Variants in ADGRD1 observed in about 807,000 individuals in gnomAD.
ADGRD1 encodes adhesion G protein-coupled receptor D1.
A neutral mutation model predicts 113.4 loss-of-function variants in ADGRD1; 77 were observed. The observed-to-expected ratio is 0.68, with a 90% confidence interval of 0.57 to 0.82. The LOEUF (loss-of-function observed/expected upper bound fraction) is 0.82, where lower values mean the gene tolerates loss of function less well. Among genes scored for constraint, ADGRD1 ranks in the 40% least tolerant of loss-of-function variants. The pLI is 0.00. For missense variants in ADGRD1, 1,036 were observed against 1,139.1 expected (o/e 0.91, Z 1.30); for synonymous variants, 474 against 475.0 (o/e 1.00, Z 0.03).
At chr12:131,063,390 C>G (rs1359414321) in intron 13 of ADGRD1, among the ~76,000 whole-genome samples, 2 of 152,028 alleles carry the variant, frequency 1.3e-5, no homozygotes, top group Non-Finnish European at 2.9e-5. Flanking sequence ...ACTCTTGGTC[C>G]CAAAGATTTT....
chr12:131,066,922 T>C (rs926020493), intron 13 of ADGRD1, among the ~76,000 whole-genome samples: 37 of 152,138 alleles, frequency 2.4e-4, no homozygotes, highest in Non-Finnish European at 3.7e-4. Context: ...GCCTCGGCTT[T>C]CCCCTGAGTA....
In ADGRD1 at chr12:131,123,689, G is replaced by A. The variant is rs560172047; in HGVS notation, c.2175+2776G>A. Among the ~76,000 whole-genome samples, 28 of 152,194 alleles carry A rather than the reference G, an allele frequency of 1.8e-4. No homozygotes were observed. The East Asian group carries it at 2.7e-3, about 15-fold the overall frequency. ...ACAAAAAAATTAGCTGGGCGTGGTG[G>A]CGGGTGCCTGTAGTCCCAGCTACTC... On this transcript the variant is annotated intron_variant, in intron 20 of 24. Coordinates refer to ENST00000261654, the MANE Select transcript of ADGRD1 (RefSeq NM_198827.5).
Position 131,075,484 on chromosome 12 carries a change from T to G in ADGRD1, c.1474-1317T>G, listed in dbSNP as rs1178868247. 6.6e-6 allele frequency among the ~76,000 whole-genome samples: 1 copy of G among 152,174 alleles called. No homozygotes were observed. Among genetic ancestry groups the G allele is most frequent in the Non-Finnish European group, 1.5e-5 (1 of 68,040 alleles). On this transcript the variant is annotated intron_variant, in intron 13 of 24. Transcript: ENST00000261654. This position sits in a 1 kb window ranked among gnomAD's most constrained non-coding sequence, Gnocchi z 5.3. ...CAGGCGGTTTTAAGAGACCCTGTGA[T>G]GGATTAAAATAACCCTAAGATACGG... is the stretch of plus-strand genomic sequence containing the variant.
intron 15 of ADGRD1, among the ~76,000 whole-genome samples, chr12:131,091,702 C>A (rs1467349): frequency 0.8 from 121,739 of 152,192 alleles, 50,196 homozygotes; most frequent in East Asian, 0.92. Context: ...GTTAGTGGGC[C>A]GGGGCGAGGA....
In ADGRD1 at chr12:131,097,283, C is replaced by T. The variant is rs75679586; in HGVS notation, c.1672-7548C>T. On this transcript the variant is annotated intron_variant, in intron 15 of 24. Transcript: ENST00000261654. ...GGAAAACAAGAGGGTGATGGTCCCC[C>T]CAGCTGACACTTTCAACAAGGTCAC... Among the ~76,000 whole-genome samples the T allele has an allele frequency of 6.6e-5, 10 of 152,286 alleles. No homozygotes were observed. The East Asian group carries it at 1.9e-3, about 29-fold the overall frequency.
At chr12:131,043,533 C>CA (rs1230392938) in intron 13 of ADGRD1, among the ~76,000 whole-genome samples, 1 of 152,250 alleles carries the variant, frequency 6.6e-6, no homozygotes, top group Non-Finnish European at 1.5e-5. Flanking sequence ...GGCCTCTCCC[C>CA]TGCAGGCTGC....
intron 23 of ADGRD1, 148 bp from the exon 24 acceptor site, chr12:131,137,989 A>G (rs558379449): frequency 1.2e-5 from 8 of 664,256 alleles, no homozygotes; most frequent in Admixed American, 6.4e-5. Context: ...TGCACAGCTC[A>G]GCTGTGGAGC....
intron 15 of ADGRD1, among the ~76,000 whole-genome samples, chr12:131,087,589 C>A (rs1248806993): frequency 1.3e-5 from 2 of 152,340 alleles, no homozygotes; most frequent in Admixed American, 6.5e-5. Flanking sequence ...CCCAAGCCCA[C>A]CCGTTGCCCG....
At chr12:131,133,732 C>A (rs1476109291) in intron 21 of ADGRD1, among the ~76,000 whole-genome samples, 1 of 152,202 alleles carries the variant, frequency 6.6e-6, no homozygotes, top group Admixed American at 6.5e-5. Context: ...TCCTCACAAT[C>A]TTCTTAGTGT....
At chr12:131,077,537 C>T (rs1177910822) in intron 14 of ADGRD1, among the ~76,000 whole-genome samples, 3 of 152,170 alleles carry the variant, frequency 2.0e-5, no homozygotes, top group East Asian at 1.9e-4. Flanking sequence ...CTCCTCTAGA[C>T]GTGAGCCCAC....
At position 131,139,707 on chromosome 12, in the gene ADGRD1, A is replaced by AG. The variant is rs1238141988; in HGVS notation, c.*445dup. 1.2e-5 allele frequency: 2 copies of AG among 160,770 alleles called. No homozygotes were observed. Among genetic ancestry groups the AG allele is most frequent in the African/African-American group, 4.8e-5 (2 of 41,690 alleles). The allele number at this position is 160,770 out of a possible 1,614,324, so 10.0% of individuals were successfully genotyped here. Reference sequence around the variant, plus strand: ...GTGGTTCAGGTCCCCACGCACCCTCAGTCAGGCGCAGGCAGCTGGGGGTGT... The same window carrying AG: ...GTGGTTCAGGTCCCCACGCACCCTCAGGTCAGGCGCAGGCAGCTGGGGGTGT... On this transcript the variant is annotated 3_prime_UTR_variant, in exon 25 of 25. Coordinates refer to ENST00000261654, the MANE Select transcript of ADGRD1 (RefSeq NM_198827.5).
At chr12:131,097,556 G>A (rs1887379112) in intron 15 of ADGRD1, among the ~76,000 whole-genome samples, 1 of 152,226 alleles carries the variant, frequency 6.6e-6, no homozygotes, top group Non-Finnish European at 1.5e-5. Flanking sequence ...TGCTACGGCT[G>A]CCTACGGCCA....
intron 13 of ADGRD1, among the ~76,000 whole-genome samples, chr12:131,040,691 T>C (rs1209585175): frequency 6.6e-6 from 1 of 152,184 alleles, no homozygotes; most frequent in Admixed American, 6.5e-5. Context: ...GCTGCCTTGT[T>C]ATCTGTAAGA....
At chr12:131,012,458 G>A (rs1878047388) in intron 12 of ADGRD1, among the ~76,000 whole-genome samples, 1 of 152,122 alleles carries the variant, frequency 6.6e-6, no homozygotes, top group Admixed American at 6.5e-5. Context: ...GTGATGATCT[G>A]CAGGAAGTCG....
intron 20 of ADGRD1, among the ~76,000 whole-genome samples, chr12:131,121,701 G>A (rs139823215): frequency 1.3e-5 from 2 of 152,318 alleles, no homozygotes; most frequent in East Asian, 1.9e-4. Context: ...TTTAAACACG[G>A]ATGGGGATTT....
chr12:131,054,754 G>C (rs528234595), intron 13 of ADGRD1, among the ~76,000 whole-genome samples: 16 of 152,168 alleles, frequency 1.1e-4, no homozygotes, highest in Non-Finnish European at 1.9e-4. Flanking sequence ...GGTCTCTGCC[G>C]GGTCTTGCCT....
intron 8 of ADGRD1, among the ~76,000 whole-genome samples, chr12:130,996,382 C>T (rs1417029821): frequency 2.5e-5 from 3 of 122,228 alleles, no homozygotes; most frequent in East Asian, 2.2e-4. Context: ...ACCTCCTGGA[C>T]GGGGCGGCTG....
chr12:130,984,766 T>C lies in ADGRD1; in HGVS notation c.491-2329T>C, dbSNP rs71468457. Among the ~76,000 whole-genome samples, 11,885 of 151,120 alleles carry C rather than the reference T, an allele frequency of 0.079. 591 individuals carry two copies. The highest frequency in any genetic ancestry group is 0.11 in the Middle Eastern group (33 of 294). On this transcript the variant is annotated intron_variant, in intron 5 of 24. Transcript: ENST00000261654. The surrounding 1 kb of genome is among the most constrained non-coding windows in gnomAD (Gnocchi z 4.1). ...TTTCTTTCTTTTTTCCTTCCTCCCTTTCTTCTTCCCCTCCTCTCTCTTTTC... is the reference window on the plus strand; with the variant it reads ...TTTCTTTCTTTTTTCCTTCCTCCCTCTCTTCTTCCCCTCCTCTCTCTTTTC...
At chr12:130,959,907 A>G (rs1158485754) in intron 2 of ADGRD1, among the ~76,000 whole-genome samples, 10 of 152,184 alleles carry the variant, frequency 6.6e-5, no homozygotes. Flanking sequence ...CGTGGGGACT[A>G]TTGAGCCACT....
Sources: allele counts gnomAD v4.1 joint callset (sites outside exome capture counted in the v4.1 genomes callset), GRCh38; gene constraint gnomAD v4.1.1; non-coding constraint Gnocchi (gnomAD v3.1); transcripts MANE v1.5; gene names NCBI Gene and HGNC (gene_info 2026-07-23, HGNC 2026-07-21).